PLA2G5: variants seen among roughly 807,000 people sequenced by gnomAD.
PLA2G5 encodes phospholipase A2 group V, also known as Ca2+-dependent phospholipase A2.
Under a neutral mutation model 15.9 loss-of-function variants are expected in PLA2G5, and 12 were observed. That is an observed-to-expected ratio of 0.76 (90% CI 0.48 to 1.23). The LOEUF (loss-of-function observed/expected upper bound fraction) is 1.23, where lower values mean the gene tolerates loss of function less well. PLA2G5 is among the 50% of genes most tolerant of loss of function. The probability of loss-of-function intolerance (pLI) is 0.00; values close to 1 mark genes in which losing one functional copy is unlikely to be tolerated. For synonymous variants in PLA2G5, 71 were observed against 71.4 expected (o/e 0.99, Z 0.03); for missense variants, 169 against 177.1 (o/e 0.95, Z 0.26).
chr1:20,028,940 C>A (rs771582579), intron 1 of PLA2G5, among the ~76,000 whole-genome samples: 1 of 152,184 alleles, frequency 6.6e-6, no homozygotes, highest in African/African-American at 2.4e-5. Flanking sequence ...GGGCTCTGAC[C>A]CCACGACAGT....
intron 1 of PLA2G5, among the ~76,000 whole-genome samples, chr1:20,052,982 C>T (rs1431965622): frequency 6.6e-6 from 1 of 152,118 alleles, no homozygotes. Flanking sequence ...TTTGGGTAGT[C>T]CCACCCTTCT....
chr1:20,068,451 G>GTT (rs5772880), upstream of PLA2G5, among the ~76,000 whole-genome samples: 1,994 of 133,548 alleles, frequency 0.015, 108 homozygotes, highest in East Asian at 0.12. Flanking sequence ...AAAAGTGGTA[G>GTT]TTTTTTTTTT....
intron 2 of PLA2G5, among the ~76,000 whole-genome samples, chr1:20,060,542 C>A (rs1351213920): frequency 6.6e-6 from 1 of 151,968 alleles, no homozygotes; most frequent in Non-Finnish European, 1.5e-5. Context: ...CGTGAGCCAC[C>A]ATGCCCAGCC....
chr1:20,049,697 T>C (rs1329110516), intron 1 of PLA2G5, among the ~76,000 whole-genome samples: 2 of 152,194 alleles, frequency 1.3e-5, no homozygotes, highest in African/African-American at 2.4e-5. Flanking sequence ...TCTGCCATGA[T>C]TGTGAGGCCT....
At chr1:20,086,574 A>T (rs533382624) in intron 3 of PLA2G5, among the ~76,000 whole-genome samples, 1 of 152,156 alleles carries the variant, frequency 6.6e-6, no homozygotes, top group Non-Finnish European at 1.5e-5. Context: ...GCTCACTCCT[A>T]TGGCTGGCAA....
chr1:20,049,347 T>C (rs2014070373), intron 1 of PLA2G5, among the ~76,000 whole-genome samples: 1 of 152,214 alleles, frequency 6.6e-6, no homozygotes, highest in African/African-American at 2.4e-5. Context: ...CTGAGCTTGA[T>C]GTAAAAAACT....
chr1:20,080,101 C>A (rs1420786593), intron 1 of PLA2G5, among the ~76,000 whole-genome samples: 1 of 152,132 alleles, frequency 6.6e-6, no homozygotes, highest in African/African-American at 2.4e-5. Flanking sequence ...CTGAGCAAAA[C>A]AGGATAAAAT....
intron 3 of PLA2G5, among the ~76,000 whole-genome samples, chr1:20,086,814 G>C (rs1036212910): frequency 2.0e-5 from 3 of 152,178 alleles, no homozygotes; most frequent in Admixed American, 6.6e-5. Flanking sequence ...GGCTTTAAGA[G>C]GGAGGGCATC....
intron 1 of PLA2G5, among the ~76,000 whole-genome samples, chr1:20,049,603 C>T (rs2014083752): frequency 6.6e-6 from 1 of 152,038 alleles, no homozygotes; most frequent in Non-Finnish European, 1.5e-5. Flanking sequence ...ACTCACAAAA[C>T]CTGATGGTTT....
chr1:20,056,864 G>T (rs2014457154), intron 1 of PLA2G5, among the ~76,000 whole-genome samples: 1 of 152,096 alleles, frequency 6.6e-6, no homozygotes, highest in African/African-American at 2.4e-5. Flanking sequence ...TATTTTAGAA[G>T]GTTATTAATT....
At chr1:20,050,192 G>T (rs1348050457) in intron 1 of PLA2G5, among the ~76,000 whole-genome samples, 1 of 152,122 alleles carries the variant, frequency 6.6e-6, no homozygotes, top group African/African-American at 2.4e-5. Context: ...TTAAGTATTT[G>T]TGACATTGAG....
intron 1 of PLA2G5, among the ~76,000 whole-genome samples, chr1:20,030,876 A>G (rs2012884670): frequency 6.6e-6 from 1 of 152,240 alleles, no homozygotes; most frequent in African/African-American, 2.4e-5. Context: ...TTCTGTGAGC[A>G]CAGGGTTGGG....
intron 2 of PLA2G5, among the ~76,000 whole-genome samples, chr1:20,085,189 A>G (rs924718549): frequency 5.9e-5 from 9 of 152,212 alleles, no homozygotes; most frequent in Admixed American, 1.3e-4. Context: ...TGCAAATAAA[A>G]TAAGATTTAC....
chr1:20,032,418 C>T (rs2013008241), intron 1 of PLA2G5, among the ~76,000 whole-genome samples: 1 of 151,024 alleles, frequency 6.6e-6, no homozygotes, highest in African/African-American at 2.4e-5. Context: ...CTATTATTGT[C>T]AGAAGGTACT....
chr1:20,039,460 C>G (rs1446548827), intron 1 of PLA2G5, among the ~76,000 whole-genome samples: 1 of 152,142 alleles, frequency 6.6e-6, no homozygotes, highest in Non-Finnish European at 1.5e-5. Flanking sequence ...ACTTGGAGAA[C>G]TATTCCACAA....
Position 20,091,670 on chromosome 1 carries a change from A to C in PLA2G5, c.*978A>C, listed in dbSNP as rs1049396716. The stretch of plus-strand genomic sequence containing the variant: ...CAGCTGTGGGGTTTATTTTTTACAA[A>C]GTAAGGACATTAAAAAAACCAACCC... On this transcript the variant is annotated 3_prime_UTR_variant, in exon 5 of 5. Transcript: ENST00000375108. Among the ~76,000 whole-genome samples, 1 of 152,100 alleles carries C rather than the reference A, an allele frequency of 6.6e-6. No homozygotes were observed. The highest frequency in any genetic ancestry group is 1.5e-5 in the Non-Finnish European group (1 of 68,040).
At chr1:20,090,017 G>A in intron 4 of PLA2G5, 122 bp downstream of exon 4, 1 of 676,314 alleles carries the variant, frequency 1.5e-6, no homozygotes, top group Non-Finnish European at 2.6e-6. Flanking sequence ...GAACTGGGAC[G>A]AGAGGAGCAG....
chr1:20,089,994 G>A lies in PLA2G5; in HGVS notation c.292+99G>A, dbSNP rs1047357156. ...CAGCCTGTATCTTGTTGGGGGAGGA[G>A]GAGTTGGGTGCAGAACTGGGACGAG... On this transcript the variant is annotated intron_variant, in intron 4 of 4. Transcript: ENST00000375108. 2.6e-5 allele frequency: 21 copies of A among 807,156 alleles called. No homozygotes were observed. The African/African-American group carries it at 3.6e-4, about 14-fold the overall frequency. 50.0% of individuals were successfully genotyped at this position (807,156 alleles called of 1,614,324 possible). A position where few individuals can be genotyped will look rare whatever the true frequency, so the allele number is the denominator to read the frequency against.
At chr1:20,068,398 G>A (rs1228836445), upstream of PLA2G5, among the ~76,000 whole-genome samples, 4 of 150,858 alleles carry the variant, frequency 2.7e-5, no homozygotes, top group African/African-American at 4.9e-5. Flanking sequence ...TGCAAACAAG[G>A]TACTAAACAT....
Sources: allele counts gnomAD v4.1 joint callset (sites outside exome capture counted in the v4.1 genomes callset), GRCh38; gene constraint gnomAD v4.1.1; transcripts MANE v1.5; gene names NCBI Gene and HGNC (gene_info 2026-07-23, HGNC 2026-07-21).